Variants in PRR16 observed in about 807,000 individuals in gnomAD.
PRR16 encodes the protein proline rich 16, also known as protein Largen.
In PRR16, 6 loss-of-function variants were observed where a neutral mutation model predicts 18.2. That is an observed-to-expected ratio of 0.33 (90% CI 0.18 to 0.65). The LOEUF (loss-of-function observed/expected upper bound fraction) is 0.65. Among genes scored for constraint, PRR16 ranks in the 30% least tolerant of loss-of-function variants. The probability of loss-of-function intolerance (pLI) is 0.74; values close to 1 mark genes in which losing one functional copy is unlikely to be tolerated. For synonymous variants in PRR16, 151 were observed against 147.8 expected (o/e 1.02, Z -0.16); for missense variants, 412 against 376.6 (o/e 1.09, Z -0.78).
At chr5:120,775,930 G>C in the PRR16 span, among the ~76,000 whole-genome samples, 1 of 151,130 alleles carries the variant, frequency 6.6e-6, no homozygotes, top group African/African-American at 2.4e-5. Context: ...TTACAGGTGT[G>C]AGCCACCATG....
intron 1 of PRR16, among the ~76,000 whole-genome samples, chr5:120,647,506 G>C (rs986752571): frequency 3.2e-4 from 49 of 151,870 alleles, no homozygotes; most frequent in African/African-American, 1.2e-3. Context: ...AAAAAGTAAG[G>C]TTATTCATTT....
chr5:120,668,850 G>T (rs182930149), intron 1 of PRR16, among the ~76,000 whole-genome samples: 8,803 of 152,178 alleles, frequency 0.058, 305 homozygotes, highest in South Asian at 0.083. Flanking sequence ...GCTTCCCTTT[G>T]TGGGTAACCC....
At chr5:120,623,775 G>A (rs759022665) in intron 1 of PRR16, among the ~76,000 whole-genome samples, 26 of 151,974 alleles carry the variant, frequency 1.7e-4, no homozygotes, top group African/African-American at 4.1e-4. Flanking sequence ...GTGTTACACC[G>A]AGGAAAAGCA....
At chr5:120,705,949 AC>A in the PRR16 span, among the ~76,000 whole-genome samples, 5 of 152,156 alleles carry the variant, frequency 3.3e-5, no homozygotes, top group African/African-American at 4.8e-5. Flanking sequence ...CATAACAGAA[AC>A]CTTTGAAAAA....
intron 1 of PRR16, among the ~76,000 whole-genome samples, chr5:120,614,651 T>C (rs1754447772): frequency 6.6e-6 from 1 of 152,214 alleles, no homozygotes; most frequent in Non-Finnish European, 1.5e-5. Context: ...GTTCAGCTTG[T>C]AGTTGGCAGG....
intron 1 of PRR16, among the ~76,000 whole-genome samples, chr5:120,606,916 T>C (rs1057213183): frequency 2.7e-5 from 4 of 148,886 alleles, no homozygotes; most frequent in East Asian, 1.9e-4. Flanking sequence ...AAAAAAAAAA[T>C]TGGGGTATGC....
At chr5:120,745,022 G>T in the PRR16 span, among the ~76,000 whole-genome samples, 1 of 152,156 alleles carries the variant, frequency 6.6e-6, no homozygotes, top group African/African-American at 2.4e-5. Flanking sequence ...TAGAGTCTTG[G>T]TATTTATCAG....
chr5:120,685,345 C>A (rs1386200630), intron 1 of PRR16, among the ~76,000 whole-genome samples: 1 of 152,048 alleles, frequency 6.6e-6, no homozygotes. Context: ...ACATATTCAA[C>A]CTTTAATTAG....
intron 1 of PRR16, among the ~76,000 whole-genome samples, chr5:120,634,876 A>C (rs968644482): frequency 6.6e-6 from 1 of 152,174 alleles, no homozygotes; most frequent in Non-Finnish European, 1.5e-5. Flanking sequence ...AGCAAGATTC[A>C]CCAAGAAAAG....
chr5:120,787,285 A>C, the PRR16 span, among the ~76,000 whole-genome samples: 10 of 152,264 alleles, frequency 6.6e-5, no homozygotes, highest in Non-Finnish European at 1.0e-4. Flanking sequence ...AAATAGGCAA[A>C]ATTTTACATG....
chr5:120,609,653 A>T (rs1754272248), intron 1 of PRR16, among the ~76,000 whole-genome samples: 1 of 152,314 alleles, frequency 6.6e-6, no homozygotes, highest in Non-Finnish European at 1.5e-5. Flanking sequence ...TTTTTAAAAC[A>T]TGTTATTTTG....
chr5:120,618,571 TA>T (rs1561576891), intron 1 of PRR16: 1 of 932,264 alleles, frequency 1.1e-6, no homozygotes, highest in Non-Finnish European at 1.3e-6. Flanking sequence ...CAGAGGTAAG[TA>T]AAAAAGAAGT....
the PRR16 span, among the ~76,000 whole-genome samples, chr5:120,694,682 CA>C: frequency 0.48 from 55,065 of 115,894 alleles, 10,589 homozygotes; most frequent in East Asian, 0.8. Context: ...GACTCCGTCT[CA>C]AAAAAAAAAA....
At chr5:120,747,787 G>A in the PRR16 span, among the ~76,000 whole-genome samples, 1 of 151,740 alleles carries the variant, frequency 6.6e-6, no homozygotes, top group Non-Finnish European at 1.5e-5. Context: ...GAAAAAGAAG[G>A]AAAGAAAGAA....
chr5:120,732,871 G>C, the PRR16 span, among the ~76,000 whole-genome samples: 5 of 152,154 alleles, frequency 3.3e-5, no homozygotes, highest in South Asian at 4.1e-4. Flanking sequence ...GTTTTAATTA[G>C]GGAAAATCAG....
chr5:120,590,198 T>G (rs1162602504), intron 1 of PRR16, among the ~76,000 whole-genome samples: 1 of 152,122 alleles, frequency 6.6e-6, no homozygotes, highest in African/African-American at 2.4e-5. Flanking sequence ...CCCCAATCTC[T>G]CCCCAATTTG....
At chr5:120,684,626 A>C (rs578143283) in intron 1 of PRR16, among the ~76,000 whole-genome samples, 1 of 152,334 alleles carries the variant, frequency 6.6e-6, no homozygotes, top group South Asian at 2.1e-4. Flanking sequence ...AATGGCCTCC[A>C]AGACCTCTGA....
intron 1 of PRR16, among the ~76,000 whole-genome samples, chr5:120,651,288 C>T (rs1216463054): frequency 1.3e-5 from 2 of 152,156 alleles, no homozygotes; most frequent in Non-Finnish European, 2.9e-5. Flanking sequence ...TGCCTGTTCA[C>T]TCTGATGGTA....
chr5:120,484,942 A>T (rs1441771004), intron 1 of PRR16, among the ~76,000 whole-genome samples: 4 of 151,688 alleles, frequency 2.6e-5, no homozygotes, highest in African/African-American at 9.7e-5. Flanking sequence ...TAATTCTGCG[A>T]TTTAAAACAT....
Sources: allele counts gnomAD v4.1 joint callset (sites outside exome capture counted in the v4.1 genomes callset), GRCh38; gene constraint gnomAD v4.1.1; transcripts MANE v1.5; gene names NCBI Gene and HGNC (gene_info 2026-07-23, HGNC 2026-07-21).